The following IKZF1 variants were observed in gnomAD, a reference collection of about 807,000 sequenced individuals.
The protein encoded by IKZF1 is IKAROS family zinc finger 1, also known as DNA-binding protein Ikaros.
IKZF1 carries 10 observed loss-of-function variants against 51.7 expected under a neutral mutation model. The observed-to-expected ratio is 0.19, with a 90% CI of 0.12 to 0.33. The LOEUF (loss-of-function observed/expected upper bound fraction) is 0.33, where lower values mean the gene tolerates loss of function less well. Among genes scored for constraint, IKZF1 ranks in the 10% least tolerant of loss-of-function variants. The probability of loss-of-function intolerance (pLI) is 1.00; values close to 1 mark genes in which losing one functional copy is unlikely to be tolerated. For missense variants in IKZF1, 484 were observed against 707.5 expected, an observed-to-expected ratio of 0.68 and a Z score of 3.58; for synonymous variants, 280 against 282.3, an observed-to-expected ratio of 0.99 and a Z score of 0.08.
chr7:50,377,023 G>C, intron 4 of IKZF1: 1 of 664,840 alleles, frequency 1.5e-6, no homozygotes, highest in South Asian at 2.1e-5. Context: ...AATAAAACAA[G>C]GGAAAAGTGA....
chr7:50,323,983 G>A (rs1360697265), intron 2 of IKZF1, among the ~76,000 whole-genome samples: 2 of 152,124 alleles, frequency 1.3e-5, no homozygotes, highest in African/African-American at 2.4e-5. Context: ...CAACTAATTG[G>A]TCAAGCCAGA....
chr7:50,391,983 T>C, intron 7 of IKZF1, 120 bp downstream of exon 7: 27 of 1,368,200 alleles, frequency 2.0e-5, no homozygotes, highest in East Asian at 5.0e-5. Flanking sequence ...AAAGGAAAAA[T>C]TGGTAAGCTT....
Position 50,387,433 on chromosome 7 carries a change from C to T in IKZF1, c.678C>T (p.Tyr226=), listed in dbSNP as rs758045554. The change falls in exon 6 of 8, where the codon TAC becomes TAT. Residue 226 remains tyrosine (Y), a synonymous_variant. Transcript: ENST00000331340. ...LEEHKERCHN[Y]LESMGLPGTL... ...AACATAAAGAGCGCTGCCACAACTACTTGGAAAGCATGGGCCTTCCGGGCA... is the reference window on the plus strand; with the variant it reads ...AACATAAAGAGCGCTGCCACAACTATTTGGAAAGCATGGGCCTTCCGGGCA... 6.2e-7 allele frequency: 1 copy of T among 1,612,644 alleles called. No homozygotes were observed. Among genetic ancestry groups the T allele is most frequent in the South Asian group, 1.1e-5 (1 of 90,752 alleles).
At chr7:50,377,064 T>C in intron 4 of IKZF1, 1 of 506,292 alleles carries the variant, frequency 2.0e-6, no homozygotes, top group Non-Finnish European at 3.5e-6. Context: ...TGGCGAGGGC[T>C]GCTATTATAG....
At chr7:50,377,406 A>C (rs1347500304) in intron 4 of IKZF1, 2 of 153,416 alleles carry the variant, frequency 1.3e-5, no homozygotes, top group African/African-American at 4.8e-5. Context: ...CTTCATCCCA[A>C]ATACCCTGTC....
intron 1 of IKZF1, among the ~76,000 whole-genome samples, chr7:50,313,076 T>C (rs1189250504): frequency 6.6e-6 from 1 of 152,262 alleles, no homozygotes; most frequent in African/African-American, 2.4e-5. Context: ...AAGGTCTCTT[T>C]GACTAGATAC....
At chr7:50,351,155 C>A (rs1180415315) in intron 3 of IKZF1, among the ~76,000 whole-genome samples, 1 of 152,120 alleles carries the variant, frequency 6.6e-6, no homozygotes, top group Non-Finnish European at 1.5e-5. Context: ...CATGCTCTCT[C>A]TTTTTTAATG....
chr7:50,380,456 AGACCTG>A (rs1811537740), intron 4 of IKZF1, among the ~76,000 whole-genome samples: 3 of 152,216 alleles, frequency 2.0e-5, no homozygotes, highest in Non-Finnish European at 4.4e-5. Context: ...GTAGCCCTCC[AGACCTG>A]GGGAGAGACA....
At chr7:50,348,973 G>A (rs1279683699) in intron 3 of IKZF1, among the ~76,000 whole-genome samples, 1 of 152,224 alleles carries the variant, frequency 6.6e-6, no homozygotes. Context: ...GCATGGCCTA[G>A]AGGTGGCAGG....
At chr7:50,396,435 T>C (rs555017757) in intron 7 of IKZF1, among the ~76,000 whole-genome samples, 40 of 152,364 alleles carry the variant, frequency 2.6e-4, no homozygotes, top group African/African-American at 9.4e-4. Context: ...TCTTACTCTG[T>C]TGCTTTTGCA....
chr7:50,365,556 A>G (rs943587752), intron 3 of IKZF1, among the ~76,000 whole-genome samples: 2 of 152,228 alleles, frequency 1.3e-5, no homozygotes, highest in Non-Finnish European at 2.9e-5. Context: ...TGATCATTAG[A>G]GAAATGCAAA....
chr7:50,364,209 C>T (rs528502169), intron 3 of IKZF1, among the ~76,000 whole-genome samples: 1 of 152,152 alleles, frequency 6.6e-6, no homozygotes, highest in Non-Finnish European at 1.5e-5. Context: ...GACAACGGCA[C>T]AAGAAGTTTA....
chr7:50,327,775 G>A lies in IKZF1; in HGVS notation c.160+18G>A, dbSNP rs998375461. The A allele has an allele frequency of 8.1e-6, 13 of 1,597,536 alleles. No individual in the cohort carries two copies. The highest frequency in any genetic ancestry group is 6.7e-5 in the African/African-American group (5 of 74,372). On this transcript the variant is annotated intron_variant, in intron 3 of 7. Coordinates refer to ENST00000331340, the MANE Select transcript of IKZF1 (RefSeq NM_006060.6). ...AGTCGTGGGTAAGTGGGTCACCAGC[G>A]GCCTCTGTGCCTGTGAAACCTTTAT... is the stretch of plus-strand genomic sequence containing the variant.
intron 3 of IKZF1, among the ~76,000 whole-genome samples, chr7:50,334,659 A>ATGGGTGTGTG (rs1797209927): frequency 6.4e-5 from 9 of 140,198 alleles, no homozygotes; most frequent in Non-Finnish European, 1.4e-4. Context: ...GTGCATATGT[A>ATGGGTGTGTG]GTGTGTATAT....
chr7:50,370,526 T>TG (rs1373922589), intron 3 of IKZF1, among the ~76,000 whole-genome samples: 1 of 152,232 alleles, frequency 6.6e-6, no homozygotes, highest in African/African-American at 2.4e-5. Flanking sequence ...TTAGTACTGT[T>TG]GGGTGCCAAT....
rs1359028171 is a variant in IKZF1, at chr7:50,403,776, A to G, written c.*3149A>G. 4.4e-6 allele frequency: 1 copy of G among 227,678 alleles called. No individual in the cohort carries two copies. Among genetic ancestry groups the G allele is most frequent in the Non-Finnish European group, 8.7e-6 (1 of 114,318 alleles). The allele number at this position is 227,678 out of a possible 1,614,324, so 14.1% of individuals were successfully genotyped here. On this transcript the variant is annotated 3_prime_UTR_variant, in exon 8 of 8. Coordinates refer to ENST00000331340, the MANE Select transcript of IKZF1 (RefSeq NM_006060.6). Reference sequence around the variant, plus strand: ...CTTGAGAAAGAGCTGCCTGAGATGTAGTTTTGTTATATGGTTCCCCACCGA... The same window carrying G: ...CTTGAGAAAGAGCTGCCTGAGATGTGGTTTTGTTATATGGTTCCCCACCGA...
intron 3 of IKZF1, among the ~76,000 whole-genome samples, chr7:50,373,329 C>T (rs190436597): frequency 1.0e-3 from 158 of 152,336 alleles, no homozygotes; most frequent in Non-Finnish European, 1.6e-3. Context: ...CAAAGAATCC[C>T]AGAAATACTC....
intron 3 of IKZF1, among the ~76,000 whole-genome samples, chr7:50,370,217 G>A (rs1169660793): frequency 6.6e-6 from 1 of 152,094 alleles, no homozygotes; most frequent in African/African-American, 2.4e-5. Context: ...TCTTTTCAAT[G>A]GAAAAATGCG....
intron 3 of IKZF1, among the ~76,000 whole-genome samples, chr7:50,342,647 C>CT (rs1270027408): frequency 0.021 from 2,901 of 137,600 alleles, 64 homozygotes; most frequent in African/African-American, 0.059. Flanking sequence ...GAAGGAAAGG[C>CT]TTTTTTTTTT....
Sources: gnomAD v4.1 joint callset for allele counts (sites outside exome capture counted in the v4.1 genomes callset) on GRCh38, gnomAD v4.1.1 for gene constraint, MANE v1.5 for transcripts, NCBI Gene and HGNC (gene_info 2026-07-23, HGNC 2026-07-21) for gene names.